NEO1: variants seen among roughly 807,000 people sequenced by gnomAD.
The protein encoded by NEO1 is neogenin 1, also known as neogenin.
Under a neutral mutation model 159.7 loss-of-function variants are expected in NEO1, and 63 were observed. The ratio of observed to expected loss-of-function variants is 0.39; its 90% CI spans 0.32 to 0.49. The LOEUF is 0.49. NEO1 is among the 20% of genes least tolerant of loss of function. The pLI is 0.85. For synonymous variants in NEO1, 633 were observed against 662.0 expected (o/e 0.96, Z 0.67); for missense variants, 1,615 against 1,831.0 (o/e 0.88, Z 2.15).
Position 73,298,484 on chromosome 15 carries a change from G to T in NEO1, c.4038G>T (p.Gln1346His). 6.2e-7 allele frequency: 1 copy of T among 1,614,180 alleles called. No individual in the cohort carries two copies. ...GCTCCCAAGAGGAAGATTCAGGCCAGAGTCTTCCCACTGCCCATGTTCGCC... is the reference window on the plus strand; with the variant it reads ...GCTCCCAAGAGGAAGATTCAGGCCATAGTCTTCCCACTGCCCATGTTCGCC... Reference protein sequence around the residue: ...LASSQEEDSGQSLPTAHVRPS... With the variant: ...LASSQEEDSGHSLPTAHVRPS... Residue 1346 changes from glutamine (Q) to histidine (H), a missense_variant, in exon 27 of 29, where the codon CAG becomes CAT. Gln to His is a conservative substitution (Grantham distance 24). Around this residue, in one of 3 missense-constraint regions of NEO1, gnomAD observed 471 missense variants for 498.9 expected, o/e 0.94. Coordinates refer to ENST00000261908, the MANE Select transcript of NEO1 (RefSeq NM_002499.4).
At chr15:73,281,506 C>T (rs2041712876) in intron 22 of NEO1, among the ~76,000 whole-genome samples, 1 of 152,200 alleles carries the variant, frequency 6.6e-6, no homozygotes, top group African/African-American at 2.4e-5. Context: ...CCACCCGCCT[C>T]GGCCTCCCAA....
chr15:73,069,319 G>A (rs1381060743), intron 1 of NEO1, among the ~76,000 whole-genome samples: 2 of 151,892 alleles, frequency 1.3e-5, no homozygotes, highest in Non-Finnish European at 2.9e-5. Flanking sequence ...GCGTTTTGGG[G>A]CAGTGCCAGA....
At chr15:73,055,905 G>A (rs1325384134) in intron 1 of NEO1, among the ~76,000 whole-genome samples, 2 of 152,156 alleles carry the variant, frequency 1.3e-5, no homozygotes, top group Non-Finnish European at 2.9e-5. Context: ...CCTCTCAGCT[G>A]TTTCTTGACT....
At chr15:73,082,597 A>G (rs926697693) in intron 1 of NEO1, among the ~76,000 whole-genome samples, 1 of 152,100 alleles carries the variant, frequency 6.6e-6, no homozygotes, top group Admixed American at 6.5e-5. Flanking sequence ...TTTTTTGGAA[A>G]GAAAGCATTT....
chr15:73,166,810 C>T (rs1348768037), intron 5 of NEO1, among the ~76,000 whole-genome samples: 3 of 152,120 alleles, frequency 2.0e-5, no homozygotes, highest in Admixed American at 1.3e-4. Flanking sequence ...TTCCCCCTTA[C>T]CTGATGTGTA....
In NEO1 at chr15:73,068,290, C is replaced by T. The variant is rs541258515; in HGVS notation, c.130+15485C>T. 5.6e-5 allele frequency among the ~76,000 whole-genome samples: 7 copies of T among 124,602 alleles called. 1 individual carries two copies. The highest frequency in any genetic ancestry group is 5.3e-3 in the Middle Eastern group (1 of 190). The allele number at this position is 124,602 out of a possible 152,430, so 81.7% of individuals were successfully genotyped here. A position where few individuals can be genotyped will look rare whatever the true frequency, so the allele number is the denominator to read the frequency against. On this transcript the variant is annotated intron_variant, in intron 1 of 28. Transcript: ENST00000261908. ...AGGCTGGAGTGCATTGGTGGGTTCT[C>T]GGCTCACTGCAACCTCTGCCTCTTG...
chr15:73,198,021 C>G (rs894016533), intron 7 of NEO1, among the ~76,000 whole-genome samples: 1 of 152,050 alleles, frequency 6.6e-6, no homozygotes, highest in South Asian at 2.1e-4. Context: ...ATTTTCTATT[C>G]TTTCATTTTC....
intron 1 of NEO1, among the ~76,000 whole-genome samples, chr15:73,093,437 T>A (rs1460349270): frequency 6.6e-6 from 1 of 152,248 alleles, no homozygotes; most frequent in Non-Finnish European, 1.5e-5. Flanking sequence ...GGGGTATTTG[T>A]CTTTTTTCTC....
Position 73,298,570 on chromosome 15 carries a change from A to C in NEO1, c.4124A>C (p.Tyr1375Ser), listed in dbSNP as rs781340504. 6.2e-7 allele frequency: 1 copy of C among 1,614,150 alleles called. No homozygotes were observed. ...ATCCCGCCTCCAGGACCTCCCACCTATGATCCTGCATTGCCAAGCACACCA... is the reference window on the plus strand; with the variant it reads ...ATCCCGCCTCCAGGACCTCCCACCTCTGATCCTGCATTGCCAAGCACACCA... ...PAIPPPGPPT[Y>S]DPALPSTPLL... The change falls in exon 27 of 29, where the codon TAT (tyrosine) becomes TCT (serine). Residue 1375 changes from tyrosine to serine, a missense_variant. By Grantham distance (144) the Tyr-to-Ser change is moderately radical. Coordinates refer to ENST00000261908, the MANE Select transcript of NEO1 (RefSeq NM_002499.4).
In NEO1 at chr15:73,273,862, T is replaced by TCTG; in HGVS notation, c.3017_3018insCTG (p.Val1006_Ile1007insCys). On this transcript the variant is annotated inframe_insertion, in exon 20 of 29. Coordinates refer to ENST00000261908, the MANE Select transcript of NEO1 (RefSeq NM_002499.4). ...GTGAATGCAGAGATACATGACTGGG[T>TCTG]TATTGAGCCTGTTGTGGGAAACAGA... The TCTG allele has an allele frequency of 6.2e-7, 1 of 1,614,098 alleles. No homozygotes were observed. The highest frequency in any genetic ancestry group is 8.5e-7 in the Non-Finnish European group (1 of 1,179,992).
chr15:73,250,219 A>G (rs2040005643), intron 11 of NEO1, among the ~76,000 whole-genome samples: 1 of 152,122 alleles, frequency 6.6e-6, no homozygotes. Context: ...CCCATGACCT[A>G]GAGCAGTGTT....
Position 73,252,989 on chromosome 15 carries a change from TCAAAACAAAA to T in NEO1, c.1895-395_1895-386del, listed in dbSNP as rs138386901. ...TGGGCAACAAGGGTGAAACTTAGTC[TCAAAACAAAA>T]CAAAACAAAACAAAAAGATAAACCA... On this transcript the variant is annotated intron_variant, in intron 11 of 28. Transcript: ENST00000261908. Among the ~76,000 whole-genome samples the T allele has an allele frequency of 2.5e-3, 375 of 151,190 alleles. 9 individuals are homozygous for T. Among genetic ancestry groups the T allele is most frequent in the Admixed American group, 0.021 (317 of 15,142 alleles).
At chr15:73,269,433 T>A (rs1422544505) in intron 16 of NEO1, among the ~76,000 whole-genome samples, 1 of 152,204 alleles carries the variant, frequency 6.6e-6, no homozygotes, top group Non-Finnish European at 1.5e-5. Flanking sequence ...CAATCTCAGC[T>A]CACCGCAGCC....
intron 7 of NEO1, among the ~76,000 whole-genome samples, chr15:73,216,469 A>T (rs971131393): frequency 9.9e-5 from 15 of 152,282 alleles, no homozygotes; most frequent in Admixed American, 2.0e-4. Flanking sequence ...GGCTGGGTCA[A>T]ATGGTATTTC....
chr15:73,241,464 T>C (rs1184139596), intron 8 of NEO1, among the ~76,000 whole-genome samples: 3 of 152,170 alleles, frequency 2.0e-5, no homozygotes, highest in Non-Finnish European at 4.4e-5. Context: ...CCTATAAATA[T>C]TTACTACCAG....
chr15:73,189,076 G>T (rs149789825), intron 7 of NEO1, among the ~76,000 whole-genome samples: 16 of 152,274 alleles, frequency 1.1e-4, no homozygotes, highest in Non-Finnish European at 2.4e-4. Flanking sequence ...TCTAGCCTGG[G>T]CAACAGAGCA....
intron 3 of NEO1, among the ~76,000 whole-genome samples, chr15:73,124,341 G>A (rs2029880031): frequency 6.6e-6 from 1 of 152,140 alleles, no homozygotes; most frequent in Admixed American, 6.5e-5. Context: ...GGGCTTATAG[G>A]TATGGGCCAC....
intron 24 of NEO1, 33 bp from the exon 25 acceptor site, chr15:73,289,113 T>C (rs1399122921): frequency 2.5e-6 from 4 of 1,587,294 alleles, no homozygotes; most frequent in East Asian, 4.5e-5. Context: ...ATAGGGCACA[T>C]GCTGGTAACT....
At position 73,283,071 on chromosome 15, in the gene NEO1, G is replaced by T. The variant is rs141535724; in HGVS notation, c.3370G>T (p.Ala1124Ser). ...CACCATCGTGGTGGTTGTGATTATC[G>T]CTGTCTTTTGTACCCGTCGTACCAC... Reference protein sequence around the residue: ...VITIVVVVIIAVFCTRRTTSH... With the variant: ...VITIVVVVIISVFCTRRTTSH... Residue 1124 changes from alanine to serine, a missense_variant, in exon 23 of 29, where the codon GCT (alanine) becomes TCT (serine). By Grantham distance (99) the Ala-to-Ser change is moderately conservative (BLOSUM62 1). Around this residue, in one of 3 missense-constraint regions of NEO1, gnomAD observed 471 missense variants for 498.9 expected, o/e 0.94. Transcript: ENST00000261908. 277 of 1,613,956 alleles carry T rather than the reference G, an allele frequency of 1.7e-4. No homozygotes were observed. Among genetic ancestry groups the T allele is most frequent in the Non-Finnish European group, 2.2e-4 (260 of 1,180,022 alleles).
Sources: allele counts gnomAD v4.1 joint callset (sites outside exome capture counted in the v4.1 genomes callset), GRCh38; gene constraint gnomAD v4.1.1; regional missense constraint gnomAD v4.1.1; transcripts MANE v1.5; gene names NCBI Gene and HGNC (gene_info 2026-07-23, HGNC 2026-07-21).